Variants in FRMD3 observed in about 807,000 individuals in gnomAD.
The protein encoded by FRMD3 is FERM domain-containing protein 3.
In FRMD3, 33 loss-of-function variants were observed where a neutral mutation model predicts 70.2. That is an observed-to-expected ratio of 0.47 (90% CI 0.36 to 0.63). The LOEUF (loss-of-function observed/expected upper bound fraction) is 0.63, where lower values mean the gene tolerates loss of function less well. Among genes scored for constraint, FRMD3 ranks in the 20% least tolerant of loss-of-function variants. The pLI is 0.00. For missense variants in FRMD3, 632 were observed against 711.4 expected (o/e 0.89, Z 1.27); for synonymous variants, 279 against 255.9 (o/e 1.09, Z -0.86).
At chr9:83,568,951 GATAGATAC>G in the FRMD3 span, among the ~76,000 whole-genome samples, 5,325 of 114,206 alleles carry the variant, frequency 0.047, 110 homozygotes, top group East Asian at 0.08. Context: ...TAGATAGATA[GATAGATAC>G]ATACATACAT....
chr9:83,362,052 A>G (rs1824602131), intron 3 of FRMD3, among the ~76,000 whole-genome samples: 1 of 152,176 alleles, frequency 6.6e-6, no homozygotes, highest in African/African-American at 2.4e-5. Flanking sequence ...ATGCCCAGAG[A>G]AACTAACACA....
rs192531536 is a variant in FRMD3, at chr9:83,274,890, C to A, written c.1195+15713G>T. Among the ~76,000 whole-genome samples the A allele has an allele frequency of 6.6e-5, 10 of 152,282 alleles. No homozygotes were observed. In the East Asian group the frequency reaches 1.7e-3, roughly 26 times the overall value. ...AGGGAACAGGTGGTTAGGACTTCTT[C>A]TGAGATAGAATTCATAGGACTCTGG... is the stretch of plus-strand genomic sequence containing the variant. On this transcript the variant is annotated intron_variant, in intron 13 of 13. Coordinates refer to ENST00000304195, the MANE Select transcript of FRMD3 (RefSeq NM_174938.6).
chr9:83,498,618 T>A (rs1346844959), intron 1 of FRMD3, among the ~76,000 whole-genome samples: 1 of 152,204 alleles, frequency 6.6e-6, no homozygotes, highest in East Asian at 1.9e-4. Flanking sequence ...AAGAGACAAG[T>A]GTGACTGGTG....
At chr9:83,436,014 T>G (rs1463330236) in intron 1 of FRMD3, among the ~76,000 whole-genome samples, 2 of 152,176 alleles carry the variant, frequency 1.3e-5, no homozygotes, top group Non-Finnish European at 2.9e-5. Flanking sequence ...ACCCAGAATA[T>G]GCACATGTTC....
At chr9:83,291,205 A>G (rs958808476) in intron 12 of FRMD3, among the ~76,000 whole-genome samples, 7 of 152,300 alleles carry the variant, frequency 4.6e-5, no homozygotes, top group Admixed American at 1.3e-4. Flanking sequence ...CTGGATGTCC[A>G]ATGTTTAATA....
At chr9:83,507,625 G>A (rs1469474538) in intron 1 of FRMD3, among the ~76,000 whole-genome samples, 17 of 143,616 alleles carry the variant, frequency 1.2e-4, no homozygotes, top group Admixed American at 8.4e-4. Flanking sequence ...AGCCATGATC[G>A]CGCCACTGCA....
intron 1 of FRMD3, among the ~76,000 whole-genome samples, chr9:83,507,736 A>ATC (rs1334522690): frequency 0.014 from 1,216 of 88,620 alleles, 103 homozygotes; most frequent in Middle Eastern, 0.034. Context: ...ATATATATAT[A>ATC]TATCTTCTGG....
intron 10 of FRMD3, among the ~76,000 whole-genome samples, chr9:83,308,949 A>C (rs1211480977): frequency 6.6e-6 from 1 of 152,182 alleles, no homozygotes; most frequent in Non-Finnish European, 1.5e-5. Context: ...TAAATGGCGA[A>C]TTGGTAGATA....
chr9:83,575,506 G>A, the FRMD3 span, among the ~76,000 whole-genome samples: 2 of 152,100 alleles, frequency 1.3e-5, no homozygotes, highest in South Asian at 2.1e-4. Flanking sequence ...TGGTAGTTAG[G>A]AAGCCCAGCT....
At chr9:83,564,567 G>A in the FRMD3 span, among the ~76,000 whole-genome samples, 3 of 152,162 alleles carry the variant, frequency 2.0e-5, no homozygotes, top group East Asian at 1.9e-4. Context: ...AACTGAGTCC[G>A]TTATTCTGAT....
upstream of FRMD3, among the ~76,000 whole-genome samples, chr9:83,540,487 G>T (rs1829987674): frequency 6.6e-6 from 1 of 152,176 alleles, no homozygotes; most frequent in African/African-American, 2.4e-5. Context: ...TCTGAGATTG[G>T]TTGTCTGGCC....
Position 83,537,112 on chromosome 9 carries a change from C to T in FRMD3, c.147+973G>A, listed in dbSNP as rs62559801. Among the ~76,000 whole-genome samples the T allele has an allele frequency of 0.27, 40,616 of 151,644 alleles. 5,661 individuals carry two copies. Among genetic ancestry groups the T allele is most frequent in the Admixed American group, 0.33 (5,059 of 15,248 alleles). On this transcript the variant is annotated intron_variant, in intron 1 of 13. Coordinates refer to ENST00000304195, the MANE Select transcript of FRMD3 (RefSeq NM_174938.6). This position sits in a 1 kb window ranked among gnomAD's most constrained non-coding sequence, Gnocchi z 4.1. The stretch of plus-strand genomic sequence containing the variant: ...CACCGAGTGGGGCATCTTTGGGGTC[C>T]TGGAAGAGGGGCTCCCACCTGCCTA...
chr9:83,248,403 C>T lies in FRMD3; in HGVS notation c.1309G>A (p.Glu437Lys). The T allele has an allele frequency of 6.2e-7, 1 of 1,614,132 alleles. No homozygotes were observed. Among genetic ancestry groups the T allele is most frequent in the Non-Finnish European group, 8.5e-7 (1 of 1,180,020 alleles). The change falls in exon 14 of 14, where the codon GAA (glutamate) becomes AAA (lysine). Residue 437 changes from glutamate to lysine, a missense_variant. Physicochemically the swap from Glu to Lys is moderately conservative, Grantham distance 56. Coordinates refer to ENST00000304195, the MANE Select transcript of FRMD3 (RefSeq NM_174938.6). ...PPSEEEDKIK[E>K]EPLTISELVY... ...AGTTCAGAGATGGTTAAAGGTTCTTCTTTTATTTTATCTTCCTCTTCACTA... is the reference window on the plus strand; with the variant it reads ...AGTTCAGAGATGGTTAAAGGTTCTTTTTTTATTTTATCTTCCTCTTCACTA...
In FRMD3 at chr9:83,247,449, A is replaced by G. The variant is rs927885476; in HGVS notation, c.*469T>C. ...CACATAAAAATATTTTTAAAAAAAC[A>G]GAACCAAAAACCCAGCATAAATTTA... On this transcript the variant is annotated 3_prime_UTR_variant, in exon 14 of 14. Coordinates refer to ENST00000304195, the MANE Select transcript of FRMD3 (RefSeq NM_174938.6). 2.5e-5 allele frequency: 25 copies of G among 983,832 alleles called. No individual in the cohort carries two copies. Among genetic ancestry groups the G allele is most frequent in the Non-Finnish European group, 2.9e-5 (24 of 828,318 alleles). The allele number at this position is 983,832 out of a possible 1,614,324, so 60.9% of individuals were successfully genotyped here. A position where few individuals can be genotyped will look rare whatever the true frequency, so the allele number is the denominator to read the frequency against.
the FRMD3 span, among the ~76,000 whole-genome samples, chr9:83,556,530 A>C: frequency 6.6e-6 from 1 of 152,140 alleles, no homozygotes; most frequent in African/African-American, 2.4e-5. Flanking sequence ...CTCTTTTCAC[A>C]TTTTTTACTA....
intron 2 of FRMD3, among the ~76,000 whole-genome samples, chr9:83,373,838 C>T (rs1194991569): frequency 2.6e-5 from 4 of 152,130 alleles, no homozygotes; most frequent in Admixed American, 6.5e-5. Flanking sequence ...TGCTTGATGC[C>T]GGAGAGGAAA....
chr9:83,305,004 T>C (rs1332478939), intron 10 of FRMD3, among the ~76,000 whole-genome samples: 1 of 152,192 alleles, frequency 6.6e-6, no homozygotes, highest in African/African-American at 2.4e-5. Flanking sequence ...AGCAGCGCAT[T>C]TGCGTCCTAA....
chr9:83,548,444 G>T, the FRMD3 span, among the ~76,000 whole-genome samples: 1 of 152,130 alleles, frequency 6.6e-6, no homozygotes, highest in African/African-American at 2.4e-5. Flanking sequence ...AATATTAAAT[G>T]CATATCACTA....
At chr9:83,378,439 G>A (rs1021940221) in intron 2 of FRMD3, among the ~76,000 whole-genome samples, 82 of 140,116 alleles carry the variant, frequency 5.9e-4, no homozygotes, top group Non-Finnish European at 9.9e-4. Flanking sequence ...CACCATGCCC[G>A]GCTAATTTAT....
Sources: allele counts gnomAD v4.1 joint callset (sites outside exome capture counted in the v4.1 genomes callset), GRCh38; gene constraint gnomAD v4.1.1; non-coding constraint Gnocchi (gnomAD v3.1); transcripts MANE v1.5; gene names NCBI Gene and HGNC (gene_info 2026-07-23, HGNC 2026-07-21).